The following SPTBN1 variants were observed in gnomAD, a reference collection of about 807,000 sequenced individuals.
The protein encoded by SPTBN1 is spectrin beta, non-erythrocytic 1, also known as spectrin beta chain, non-erythrocytic 1.
In SPTBN1, 32 loss-of-function variants were observed where a neutral mutation model predicts 266.4. The ratio of observed to expected loss-of-function variants is 0.12; its 90% CI spans 0.09 to 0.16. The LOEUF is 0.16. Among genes scored for constraint, SPTBN1 ranks in the 10% least tolerant of loss-of-function variants. The pLI is 1.00. For missense variants in SPTBN1, 2,296 were observed against 3,067.1 expected, an observed-to-expected ratio of 0.75 and a Z score of 5.94; for synonymous variants, 1,336 against 1,162.2, an observed-to-expected ratio of 1.15 and a Z score of -3.04.
intron 7 of SPTBN1, among the ~76,000 whole-genome samples, chr2:54,618,402 G>A (rs536756688): frequency 6.6e-6 from 1 of 152,228 alleles, no homozygotes; most frequent in Non-Finnish European, 1.5e-5. Flanking sequence ...GAGTCTGAAG[G>A]AGAGCGTGTG....
At chr2:54,662,754 T>G (rs1681131882) in intron 32 of SPTBN1, 1 of 152,224 alleles carries the variant, frequency 6.6e-6, no homozygotes, top group African/African-American at 2.4e-5. Flanking sequence ...GTTTTTTGTC[T>G]ATTTCCCCTC....
intron 1 of SPTBN1, among the ~76,000 whole-genome samples, chr2:54,474,688 A>G (rs547584537): frequency 6.6e-6 from 1 of 152,350 alleles, no homozygotes; most frequent in South Asian, 2.1e-4. Flanking sequence ...AAATGGAATT[A>G]CCGTAACTAT....
In SPTBN1 at chr2:54,655,929, C is replaced by T; in HGVS notation, c.5977C>T (p.Leu1993=). 6 of 1,612,986 alleles carry T rather than the reference C, an allele frequency of 3.7e-6. No homozygotes were observed. The highest frequency in any genetic ancestry group is 5.1e-6 in the Non-Finnish European group (6 of 1,179,216). ...YASEEIKEKL[L]QLTEKRKEMI... ...TTTCATACAGATCAAGGAAAAATTA[C>T]TGCAGTTGACGGAAAAGAGGAAAGA... The change falls in exon 29 of 36, where the codon CTG becomes TTG. Residue 1993 remains leucine, a synonymous_variant. Transcript: ENST00000356805.
Position 54,617,627 on chromosome 2 carries a change from C to G in SPTBN1, c.586C>G (p.His196Asp). 1.2e-6 allele frequency: 2 copies of G among 1,614,140 alleles called. No homozygotes were observed. Among genetic ancestry groups the G allele is most frequent in the Non-Finnish European group, 1.7e-6 (2 of 1,180,006 alleles). ...TGGCAGGTACCCCAATGTCAACATT[C>G]ACAATTTCACCACTAGCTGGAGGGA... The part of the protein sequence containing the change: ...KTAGYPNVNI[H>D]NFTTSWRDGM... Residue 196 changes from histidine (H) to aspartate (D), a missense_variant, in exon 6 of 36, where the codon CAC becomes GAC. Physicochemically the swap from His to Asp is moderately conservative, Grantham distance 81. This residue lies in a region of SPTBN1 where 178 missense variants were observed against 375.7 expected (regional missense o/e 0.47). Coordinates refer to ENST00000356805, the MANE Select transcript of SPTBN1 (RefSeq NM_003128.3).
intron 35 of SPTBN1, 152 bp from the exon 36 acceptor site, chr2:54,668,199 A>G: frequency 3.0e-6 from 2 of 677,424 alleles, no homozygotes; most frequent in South Asian, 1.8e-5. Flanking sequence ...CCTCTCCTGT[A>G]CTGATAAGGC....
At chr2:54,647,317 C>A in intron 24 of SPTBN1, 56 bp downstream of exon 24, 2 of 1,592,020 alleles carry the variant, frequency 1.3e-6, no homozygotes, top group South Asian at 1.1e-5. Context: ...CAGTTAGGGT[C>A]TCTTGCTAAC....
Position 54,646,231 on chromosome 2 carries a change from T to C in SPTBN1, c.4622T>C (p.Ile1541Thr), listed in dbSNP as rs748217718. 37 of 1,613,294 alleles carry C rather than the reference T, an allele frequency of 2.3e-5. No homozygotes were observed. The highest frequency in any genetic ancestry group is 3.3e-5 in the South Asian group (3 of 91,022). The change falls in exon 23 of 36, where the codon ATT becomes ACT. Residue 1541 changes from isoleucine (I) to threonine (T), a missense_variant. Physicochemically the swap from Ile to Thr is moderately conservative, Grantham distance 89 (BLOSUM62 -1). Coordinates refer to ENST00000356805, the MANE Select transcript of SPTBN1 (RefSeq NM_003128.3). This position sits in a 1 kb window ranked among gnomAD's most constrained non-coding sequence, Gnocchi z 4.4. ...GAAATCCAGGGGCACCAGCCTCGCA[T>C]TGACGACATCTTTGAGAGGAGCCAA... ...QKEIQGHQPR[I>T]DDIFERSQNI...
At chr2:54,487,170 C>CTTTTTTTTTTTTT (rs34779689) in intron 1 of SPTBN1, among the ~76,000 whole-genome samples, 4 of 98,582 alleles carry the variant, frequency 4.1e-5, no homozygotes, top group Non-Finnish European at 7.8e-5. Context: ...ATTAGGATTT[C>CTTTTTTTTTTTTT]TTTTTTTTTT....
intron 10 of SPTBN1, among the ~76,000 whole-genome samples, chr2:54,624,081 T>A (rs770203882): frequency 3.3e-5 from 5 of 152,350 alleles, no homozygotes; most frequent in Non-Finnish European, 4.4e-5. Flanking sequence ...TAGAAAGAAA[T>A]TTGAAAAATT....
intron 1 of SPTBN1, among the ~76,000 whole-genome samples, chr2:54,459,125 TG>T (rs1434490695): frequency 6.6e-6 from 1 of 152,258 alleles, no homozygotes; most frequent in African/African-American, 2.4e-5. Flanking sequence ...GAGGTTTAGC[TG>T]TTCTGACTTA....
chr2:54,593,701 A>T (rs1675836789), intron 2 of SPTBN1, among the ~76,000 whole-genome samples: 1 of 151,990 alleles, frequency 6.6e-6, no homozygotes. Flanking sequence ...GTCTTGATGG[A>T]GACACCATCC....
chr2:54,554,144 T>G lies in SPTBN1; in HGVS notation c.148+27578T>G, dbSNP rs1417019233. On this transcript the variant is annotated intron_variant, in intron 2 of 35. Coordinates refer to ENST00000356805, the MANE Select transcript of SPTBN1 (RefSeq NM_003128.3). The surrounding 1 kb of genome is among the most constrained non-coding windows in gnomAD (Gnocchi z 4.5). ...GGCCTGCTTGGGTTTTAGGTTAATC[T>G]TGATACCACTTACTGAGTTCTGTGA... 6.6e-6 allele frequency among the ~76,000 whole-genome samples: 1 copy of G among 152,166 alleles called. No individual in the cohort carries two copies. Among genetic ancestry groups the G allele is most frequent in the Admixed American group, 6.5e-5 (1 of 15,284 alleles).
Position 54,485,991 on chromosome 2 carries a change from C to T in SPTBN1, c.-48+29473C>T, listed in dbSNP as rs572037222. On this transcript the variant is annotated intron_variant, in intron 1 of 35. Transcript: ENST00000356805. ...CTGAGAAGTGAGGAGCCTCTCCGCCCGGCAGCCGCCCCGTCCCGGAGGTGA... is the reference window on the plus strand; with the variant it reads ...CTGAGAAGTGAGGAGCCTCTCCGCCTGGCAGCCGCCCCGTCCCGGAGGTGA... Among the ~76,000 whole-genome samples, 362 of 150,754 alleles carry T rather than the reference C, an allele frequency of 2.4e-3. 2 individuals are homozygous for T. Among genetic ancestry groups the T allele is most frequent in the Middle Eastern group, 0.01 (3 of 290 alleles).
chr2:54,459,156 T>C (rs1450026907), intron 1 of SPTBN1, among the ~76,000 whole-genome samples: 1 of 152,256 alleles, frequency 6.6e-6, no homozygotes, highest in Non-Finnish European at 1.5e-5. Context: ...TGCAGAATTC[T>C]GTTGGGTTAA....
At chr2:54,492,229 A>G (rs1490994285) in intron 1 of SPTBN1, among the ~76,000 whole-genome samples, 1 of 151,732 alleles carries the variant, frequency 6.6e-6, no homozygotes, top group East Asian at 1.9e-4. Context: ...TATGGGTTGT[A>G]TTCATGCTAA....
chr2:54,493,180 A>G (rs993076023), intron 1 of SPTBN1, among the ~76,000 whole-genome samples: 3 of 151,202 alleles, frequency 2.0e-5, no homozygotes, highest in Admixed American at 2.0e-4. Flanking sequence ...TGATTTTTGC[A>G]TGTTTTGTAG....
At chr2:54,485,690 C>G (rs931414197) in intron 1 of SPTBN1, among the ~76,000 whole-genome samples, 3 of 151,422 alleles carry the variant, frequency 2.0e-5, no homozygotes. Context: ...CCTGGCTGCC[C>G]AGTCTGGAAA....
chr2:54,560,153 G>A (rs552842711), intron 2 of SPTBN1, among the ~76,000 whole-genome samples: 23 of 149,300 alleles, frequency 1.5e-4, no homozygotes, highest in Middle Eastern at 3.5e-3. Flanking sequence ...CTTAAGCTGG[G>A]GGCGCTTGCA....
chr2:54,514,510 A>G (rs1388376283), intron 1 of SPTBN1, among the ~76,000 whole-genome samples: 1 of 152,180 alleles, frequency 6.6e-6, no homozygotes, highest in African/African-American at 2.4e-5. Flanking sequence ...AATATTGAGA[A>G]TGGAGGTTCA....
Sources: gnomAD v4.1 joint callset for allele counts (sites outside exome capture counted in the v4.1 genomes callset) on GRCh38, gnomAD v4.1.1 for gene constraint, gnomAD v4.1.1 regional missense constraint, Gnocchi (gnomAD v3.1) non-coding constraint, MANE v1.5 for transcripts, NCBI Gene and HGNC (gene_info 2026-07-23, HGNC 2026-07-21) for gene names.